NAALADL2: variants seen among roughly 807,000 people sequenced by gnomAD.
The protein encoded by NAALADL2 is N-acetylated alpha-linked acidic dipeptidase like 2.
Under a neutral mutation model 87.2 loss-of-function variants are expected in NAALADL2, and 76 were observed. The observed-to-expected ratio is 0.87, with a 90% confidence interval of 0.72 to 1.05. The LOEUF (loss-of-function observed/expected upper bound fraction) is 1.05, where lower values mean the gene tolerates loss of function less well. Among genes scored for constraint, NAALADL2 ranks in the 50% least tolerant of loss-of-function variants. The pLI is 0.00. For synonymous variants in NAALADL2, 354 were observed against 331.0 expected (o/e 1.07, Z -0.75); for missense variants, 1,089 against 945.8 (o/e 1.15, Z -1.99).
At chr3:175,058,297 AT>A (rs780572470) in intron 1 of NAALADL2, among the ~76,000 whole-genome samples, 43 of 152,350 alleles carry the variant, frequency 2.8e-4, no homozygotes, top group Non-Finnish European at 7.3e-5. Flanking sequence ...CTTTTGGTTG[AT>A]TAAGTATTCA....
chr3:174,741,653 T>C (rs1320874086), intron 3 of NAALADL2, among the ~76,000 whole-genome samples: 2 of 151,614 alleles, frequency 1.3e-5, no homozygotes, highest in African/African-American at 4.8e-5. Context: ...GAGTAATATT[T>C]TAAAGGGGAA....
intron 1 of NAALADL2, among the ~76,000 whole-genome samples, chr3:174,531,619 A>G (rs1320866504): frequency 6.6e-6 from 1 of 152,178 alleles, no homozygotes; most frequent in African/African-American, 2.4e-5. Flanking sequence ...AATGATGTTT[A>G]TTATTTAAAA....
intron 9 of NAALADL2, among the ~76,000 whole-genome samples, chr3:175,569,976 A>T (rs1249766491): frequency 6.6e-6 from 1 of 152,144 alleles, no homozygotes; most frequent in African/African-American, 2.4e-5. Flanking sequence ...TCATGTGGTT[A>T]TGGTGGCTGA....
At chr3:175,088,279 C>T (rs1358714906) in intron 1 of NAALADL2, among the ~76,000 whole-genome samples, 3 of 152,112 alleles carry the variant, frequency 2.0e-5, no homozygotes, top group African/African-American at 7.2e-5. Context: ...TCAGAATTTA[C>T]CCAATATAGA....
intron 1 of NAALADL2, among the ~76,000 whole-genome samples, chr3:174,985,181 A>C (rs569558200): frequency 6.6e-6 from 1 of 152,344 alleles, no homozygotes; most frequent in South Asian, 2.1e-4. Context: ...TCAAACTAAA[A>C]TGCTAAATAA....
chr3:175,772,838 A>C (rs1439088631), intron 13 of NAALADL2, among the ~76,000 whole-genome samples: 2 of 152,134 alleles, frequency 1.3e-5, no homozygotes, highest in African/African-American at 4.8e-5. Context: ...GTGACATTTT[A>C]GTGTTACTTC....
chr3:174,925,014 G>A (rs948470776), intron 1 of NAALADL2, among the ~76,000 whole-genome samples: 2 of 152,132 alleles, frequency 1.3e-5, no homozygotes, highest in Non-Finnish European at 2.9e-5. Flanking sequence ...CTCCCATTCT[G>A]TAGGTTGCCT....
At chr3:175,593,701 A>G (rs1274008627) in intron 10 of NAALADL2, among the ~76,000 whole-genome samples, 1 of 152,060 alleles carries the variant, frequency 6.6e-6, no homozygotes, top group African/African-American at 2.4e-5. Flanking sequence ...CAGTCTTGAC[A>G]TGATGGTTCC....
At chr3:174,858,902 A>G (rs2109522120), upstream of NAALADL2, among the ~76,000 whole-genome samples, 1 of 152,096 alleles carries the variant, frequency 6.6e-6, no homozygotes, top group Non-Finnish European at 1.5e-5. Flanking sequence ...AGATAATCCA[A>G]AACTTGTCTT....
At chr3:174,797,312 T>TTTTC (rs1718251594) in intron 3 of NAALADL2, among the ~76,000 whole-genome samples, 1 of 123,628 alleles carries the variant, frequency 8.1e-6, no homozygotes, top group Non-Finnish European at 1.7e-5. Context: ...TTTCTTTTTT[T>TTTTC]TTTTTTTTTT....
intron 1 of NAALADL2, among the ~76,000 whole-genome samples, chr3:174,534,248 A>T (rs1004068120): frequency 6.6e-6 from 1 of 152,194 alleles, no homozygotes; most frequent in Non-Finnish European, 1.5e-5. Context: ...GAAAAGTAAC[A>T]CATTTTTACC....
intron 1 of NAALADL2, among the ~76,000 whole-genome samples, chr3:174,495,286 C>CT (rs1718459531): frequency 6.8e-6 from 1 of 148,126 alleles, no homozygotes; most frequent in African/African-American, 2.5e-5. Context: ...AAAAAACAGC[C>CT]TTACTGCATT....
intron 2 of NAALADL2, among the ~76,000 whole-genome samples, chr3:174,640,637 G>A (rs534526084): frequency 1.3e-5 from 2 of 152,314 alleles, no homozygotes; most frequent in East Asian, 1.9e-4. Flanking sequence ...AGGAAGGCTT[G>A]GATAGAGCCA....
intron 1 of NAALADL2, among the ~76,000 whole-genome samples, chr3:174,878,942 T>A (rs566433733): frequency 1.2e-4 from 18 of 152,240 alleles, no homozygotes; most frequent in African/African-American, 4.3e-4. Flanking sequence ...CCTTGAATAC[T>A]TGTATAAAAT....
intron 3 of NAALADL2, among the ~76,000 whole-genome samples, chr3:174,829,053 TATCTC>T (rs1419972682): frequency 6.6e-6 from 1 of 152,218 alleles, no homozygotes; most frequent in Non-Finnish European, 1.5e-5. Context: ...ATTGAACTAT[TATCTC>T]AATCATACAA....
Position 174,931,295 on chromosome 3 carries a change from G to T in NAALADL2, c.43+71845G>T, listed in dbSNP as rs1736854685. Among the ~76,000 whole-genome samples, 3 of 152,116 alleles carry T rather than the reference G, an allele frequency of 2.0e-5. No homozygotes were observed. The South Asian group carries it at 6.2e-4, about 31-fold the overall frequency. On this transcript the variant is annotated intron_variant, in intron 1 of 13. Coordinates refer to ENST00000454872, the MANE Select transcript of NAALADL2 (RefSeq NM_207015.3). ...ATAGGGGTTAAGATCATGGGTTCTG[G>T]AGCCAGGTACCTGGTTTGGATTTCA...
intron 1 of NAALADL2, among the ~76,000 whole-genome samples, chr3:174,530,665 G>C (rs1721159670): frequency 6.6e-6 from 1 of 152,166 alleles, no homozygotes; most frequent in Non-Finnish European, 1.5e-5. Context: ...TAAGAGAAGA[G>C]AGCTTGTGTA....
rs550347853 is a variant in NAALADL2 at position 175,506,913 on chromosome 3, C to T, written c.1653+35155C>T. Among the ~76,000 whole-genome samples the T allele has an allele frequency of 3.3e-5, 5 of 152,146 alleles. No individual in the cohort carries two copies. In the Middle Eastern group the frequency reaches 0.01, roughly 311 times the overall value. The stretch of plus-strand genomic sequence containing the variant: ...GATACCCCCTGTTCACTCTTTCTTC[C>T]TTTAGAGGGGGAAATGACATGCACG... On this transcript the variant is annotated intron_variant, in intron 9 of 13. Transcript: ENST00000454872.
At chr3:175,046,547 T>G (rs1754693431) in intron 1 of NAALADL2, among the ~76,000 whole-genome samples, 1 of 152,194 alleles carries the variant, frequency 6.6e-6, no homozygotes, top group Non-Finnish European at 1.5e-5. Context: ...GGCTTTGGAT[T>G]CCTTCTCAGA....
Sources: gnomAD v4.1 joint callset for allele counts (sites outside exome capture counted in the v4.1 genomes callset) on GRCh38, gnomAD v4.1.1 for gene constraint, MANE v1.5 for transcripts, NCBI Gene and HGNC (gene_info 2026-07-23, HGNC 2026-07-21) for gene names.